The following SLIT3 variants were observed in gnomAD, a reference collection of about 807,000 sequenced individuals.
SLIT3 encodes slit guidance ligand 3.
In SLIT3, 68 loss-of-function variants were observed where a neutral mutation model predicts 184.0. The ratio of observed to expected loss-of-function variants is 0.37; its 90% CI spans 0.30 to 0.45. The LOEUF (loss-of-function observed/expected upper bound fraction) is 0.45. SLIT3 is among the 20% of genes least tolerant of loss of function. The pLI is 1.00. For synonymous variants in SLIT3, 831 were observed against 828.6 expected (o/e 1.00, Z -0.05); for missense variants, 1,707 against 2,026.0 (o/e 0.84, Z 3.02).
At chr5:169,064,729 G>C (rs1758289436) in intron 4 of SLIT3, among the ~76,000 whole-genome samples, 1 of 152,164 alleles carries the variant, frequency 6.6e-6, no homozygotes, top group African/African-American at 2.4e-5. Flanking sequence ...CCGAGACACT[G>C]GATTTCCTTC....
At chr5:169,032,815 T>C (rs1757081317) in intron 4 of SLIT3, among the ~76,000 whole-genome samples, 1 of 151,998 alleles carries the variant, frequency 6.6e-6, no homozygotes, top group South Asian at 2.1e-4. Flanking sequence ...TTTTATTGTG[T>C]ATATTGAAGG....
intron 3 of SLIT3, among the ~76,000 whole-genome samples, chr5:169,233,404 CTTTT>C (rs70979127): frequency 1.4e-5 from 2 of 145,386 alleles, no homozygotes; most frequent in African/African-American, 2.5e-5. Flanking sequence ...TAGAAATTGT[CTTTT>C]TTTTTTTTTT....
intron 21 of SLIT3, among the ~76,000 whole-genome samples, chr5:168,723,782 T>C (rs1176227633): frequency 6.6e-6 from 1 of 152,220 alleles, no homozygotes; most frequent in Non-Finnish European, 1.5e-5. Flanking sequence ...AGCTTTTAAA[T>C]CCTCTGATGC....
At chr5:168,723,682 G>T (rs1296180791) in intron 21 of SLIT3, among the ~76,000 whole-genome samples, 1 of 152,212 alleles carries the variant, frequency 6.6e-6, no homozygotes, top group Non-Finnish European at 1.5e-5. Context: ...TGGGGGTGCA[G>T]TCCTCTGCCA....
intron 4 of SLIT3, among the ~76,000 whole-genome samples, chr5:168,902,165 C>T (rs1760893651): frequency 6.6e-6 from 1 of 152,156 alleles, no homozygotes; most frequent in African/African-American, 2.4e-5. Flanking sequence ...GCTGGGGTTA[C>T]AGGCATGAGC....
chr5:168,834,303 G>A (rs10042236), intron 6 of SLIT3, among the ~76,000 whole-genome samples: 17,493 of 152,096 alleles, frequency 0.12, 2,782 homozygotes, highest in African/African-American at 0.36. Flanking sequence ...CACTGAAAGG[G>A]CTTCCTTTTG....
chr5:169,272,651 G>A (rs1390934270), intron 1 of SLIT3, among the ~76,000 whole-genome samples: 2 of 152,138 alleles, frequency 1.3e-5, no homozygotes, highest in African/African-American at 4.8e-5. Context: ...GAAGAGAAAC[G>A]AGAAGGGAAG....
At chr5:168,938,041 T>C (rs922012193) in intron 4 of SLIT3, among the ~76,000 whole-genome samples, 2 of 152,192 alleles carry the variant, frequency 1.3e-5, no homozygotes, top group East Asian at 3.8e-4. Context: ...GTATATTTAT[T>C]ACATTACTTT....
chr5:169,232,869 T>C (rs1261851673), intron 3 of SLIT3, among the ~76,000 whole-genome samples: 3 of 152,120 alleles, frequency 2.0e-5, no homozygotes, highest in African/African-American at 4.8e-5. Context: ...TTGGAGAGAG[T>C]TGCCATATTT....
chr5:168,720,562 T>C (rs1182179036), intron 23 of SLIT3: 1 of 152,052 alleles, frequency 6.6e-6, no homozygotes, highest in Non-Finnish European at 1.5e-5. Flanking sequence ...GACAATAGGT[T>C]GGGATTGAGG....
At chr5:169,134,436 T>C (rs2042154) in intron 4 of SLIT3, among the ~76,000 whole-genome samples, 8,144 of 152,212 alleles carry the variant, frequency 0.054, 303 homozygotes, top group Non-Finnish European at 0.081. Context: ...ACTCCTCCCC[T>C]ACTCCTTTGC....
intron 1 of SLIT3, among the ~76,000 whole-genome samples, chr5:169,297,509 C>A (rs371578999): frequency 4.6e-5 from 7 of 152,120 alleles, no homozygotes; most frequent in African/African-American, 1.7e-4. Context: ...TTCATCAAAG[C>A]CTTTTTGGGA....
At position 168,709,101 on chromosome 5, in the gene SLIT3, GT is replaced by G. The variant is rs564920985; in HGVS notation, c.2720-1002del. 8.3e-3 allele frequency among the ~76,000 whole-genome samples: 1,055 copies of G among 126,930 alleles called. 7 individuals carry two copies. Among genetic ancestry groups the G allele is most frequent in the African/African-American group, 0.02 (759 of 37,658 alleles). 83.3% of individuals were successfully genotyped at this position (126,930 alleles called of 152,430 possible). A position where few individuals can be genotyped will look rare whatever the true frequency, so the allele number is the denominator to read the frequency against. On this transcript the variant is annotated intron_variant, in intron 25 of 35. Coordinates refer to ENST00000519560, the MANE Select transcript of SLIT3 (RefSeq NM_003062.4). The stretch of plus-strand genomic sequence containing the variant: ...CCAGCTACAGTGTTGTTTTCTGTTT[GT>G]TTTTTTTTTTTTTTGAGATGGAGTC...
intron 3 of SLIT3, among the ~76,000 whole-genome samples, chr5:169,204,677 G>A (rs555777444): frequency 5.3e-5 from 8 of 152,202 alleles, no homozygotes; most frequent in Non-Finnish European, 1.2e-4. Context: ...AGAAGTCAGG[G>A]GACGGGGGGT....
At chr5:169,082,584 GTC>G (rs1184341060) in intron 4 of SLIT3, among the ~76,000 whole-genome samples, 2 of 152,220 alleles carry the variant, frequency 1.3e-5, no homozygotes, top group Admixed American at 6.5e-5. Context: ...GTGTGTGTGT[GTC>G]TCTCTCTTTC....
chr5:168,822,556 A>G (rs1196359086), intron 7 of SLIT3, among the ~76,000 whole-genome samples: 3 of 152,124 alleles, frequency 2.0e-5, no homozygotes, highest in Non-Finnish European at 4.4e-5. Flanking sequence ...AGAAACTTAC[A>G]AAGAGGTTCC....
At chr5:169,181,333 A>G (rs1043857879) in intron 4 of SLIT3, among the ~76,000 whole-genome samples, 4 of 152,194 alleles carry the variant, frequency 2.6e-5, no homozygotes, top group African/African-American at 9.7e-5. Context: ...CTTTTAACAA[A>G]AAGGAGTCAG....
intron 4 of SLIT3, among the ~76,000 whole-genome samples, chr5:169,188,737 C>A (rs1351815693): frequency 6.6e-6 from 1 of 152,188 alleles, no homozygotes; most frequent in Non-Finnish European, 1.5e-5. Context: ...TTGTTCAATG[C>A]CAATTATTTT....
intron 20 of SLIT3, among the ~76,000 whole-genome samples, chr5:168,739,963 G>T (rs1763569944): frequency 6.6e-6 from 1 of 152,194 alleles, no homozygotes; most frequent in African/African-American, 2.4e-5. Context: ...ATATAAACAT[G>T]TCATGGGTAT....
Sources: allele counts gnomAD v4.1 joint callset (sites outside exome capture counted in the v4.1 genomes callset), GRCh38; gene constraint gnomAD v4.1.1; transcripts MANE v1.5; gene names NCBI Gene and HGNC (gene_info 2026-07-23, HGNC 2026-07-21).